CCDC40: variants seen among roughly 807,000 people sequenced by gnomAD.
CCDC40 encodes coiled-coil domain 40 molecular ruler complex subunit.
CCDC40 carries 104 observed loss-of-function variants against 124.5 expected under a neutral mutation model. The observed-to-expected ratio is 0.84, with a 90% CI of 0.71 to 0.98. The LOEUF is 0.98. Among genes scored for constraint, CCDC40 ranks in the 50% least tolerant of loss-of-function variants. The pLI is 0.00. For synonymous variants in CCDC40, 580 were observed against 602.9 expected, an observed-to-expected ratio of 0.96 and a Z score of 0.56; for missense variants, 1,463 against 1,503.9, an observed-to-expected ratio of 0.97 and a Z score of 0.45.
At chr17:80,097,866 C>G (rs1598556901) in intron 19 of CCDC40, 1 of 185,832 alleles carries the variant, frequency 5.4e-6, no homozygotes, top group Non-Finnish European at 1.1e-5. Context: ...TACCACTGCA[C>G]TCCAGCCTGG....
At chr17:80,070,118 G>A (rs867353368) in intron 10 of CCDC40, among the ~76,000 whole-genome samples, 4 of 152,252 alleles carry the variant, frequency 2.6e-5, no homozygotes, top group East Asian at 1.9e-4. Flanking sequence ...AGGAAGGAGC[G>A]GAAGGCAGTG....
At chr17:80,043,491 A>T (rs74000354) in intron 3 of CCDC40, among the ~76,000 whole-genome samples, 11 of 96,774 alleles carry the variant, frequency 1.1e-4, no homozygotes, top group African/African-American at 1.4e-4. Context: ...ATTTATTGGA[A>T]CACACCCCTG....
In CCDC40 at chr17:80,084,625, G is replaced by A. The variant is rs577078633; in HGVS notation, c.1990-118G>A. 2.1e-4 allele frequency: 259 copies of A among 1,244,824 alleles called. 2 individuals carry two copies. In the Middle Eastern group the frequency reaches 2.8e-3, roughly 13 times the overall value. 77.1% of individuals were successfully genotyped at this position (1,244,824 alleles called of 1,614,324 possible). On this transcript the variant is annotated intron_variant, in intron 12 of 19. Transcript: ENST00000397545. Reference sequence around the variant, plus strand: ...AATCCAGCCTCCTGCACTCGTGACTGTGCGTTTGGAATATCTCCAGAGGAA... The same window carrying A: ...AATCCAGCCTCCTGCACTCGTGACTATGCGTTTGGAATATCTCCAGAGGAA...
Position 80,100,029 on chromosome 17 carries a change from ACCCACACT to A in CCDC40, c.*263_*270del, listed in dbSNP as rs1282261372. ...AGAGCCTGTGACTGCAGACCCACAC[ACCCACACT>A]CCCACACTGGGCTTACTCGTCCAGG... On this transcript the variant is annotated 3_prime_UTR_variant, in exon 20 of 20. Coordinates refer to ENST00000397545, the MANE Select transcript of CCDC40 (RefSeq NM_017950.4). The A allele has an allele frequency of 3.8e-6, 2 of 531,346 alleles. No homozygotes were observed. Among genetic ancestry groups the A allele is most frequent in the Non-Finnish European group, 6.8e-6 (2 of 294,304 alleles). 32.9% of individuals were successfully genotyped at this position (531,346 alleles called of 1,614,324 possible). A position where few individuals can be genotyped will look rare whatever the true frequency, so the allele number is the denominator to read the frequency against.
intron 10 of CCDC40, among the ~76,000 whole-genome samples, chr17:80,075,551 A>G (rs1488164770): frequency 6.6e-6 from 1 of 152,080 alleles, no homozygotes; most frequent in Non-Finnish European, 1.5e-5. Context: ...GCAGCCTGAC[A>G]CCTCCATCTG....
rs573851735 is a variant in CCDC40, at chr17:80,097,895, G to A, written c.3180+492G>A. Reference sequence around the variant, plus strand: ...AGCCTGGGTGACAGAGGGAGATCCTGTCTCAAAAAGAAAAGAAAAGAAAAG... The same window carrying A: ...AGCCTGGGTGACAGAGGGAGATCCTATCTCAAAAAGAAAAGAAAAGAAAAG... On this transcript the variant is annotated intron_variant, in intron 19 of 19. Coordinates refer to ENST00000397545, the MANE Select transcript of CCDC40 (RefSeq NM_017950.4). The A allele has an allele frequency of 4.1e-4, 68 of 164,260 alleles. 3 individuals are homozygous for A. The South Asian group carries it at 8.0e-3, about 19-fold the overall frequency. The allele number at this position is 164,260 out of a possible 1,614,324, so 10.2% of individuals were successfully genotyped here.
intron 10 of CCDC40, among the ~76,000 whole-genome samples, chr17:80,074,746 A>G (rs1345628458): frequency 6.6e-6 from 1 of 152,172 alleles, no homozygotes; most frequent in Non-Finnish European, 1.5e-5. Flanking sequence ...TGGGTTGAGG[A>G]GTAATTTCAA....
At chr17:80,075,537 G>A (rs183303952) in intron 10 of CCDC40, among the ~76,000 whole-genome samples, 2 of 152,274 alleles carry the variant, frequency 1.3e-5, no homozygotes, top group South Asian at 2.1e-4. Context: ...TTGCAGAGGT[G>A]CCAGCAGCCT....
Position 80,084,891 on chromosome 17 carries a change from A to G in CCDC40, c.2138A>G (p.Gln713Arg). ...KKVNELITNS[Q>R]SEISRRTILI... ...GTCAACGAGCTCATCACCAACAGCC[A>G]GAGCGAGATCTCCCGGCGCACGATC... The change falls in exon 13 of 20, where the codon CAG (glutamine) becomes CGG (arginine). Residue 713 changes from glutamine to arginine, a missense_variant. Physicochemically the swap from Gln to Arg is conservative, Grantham distance 43. Transcript: ENST00000397545. The G allele has an allele frequency of 3.7e-6, 6 of 1,614,142 alleles. No individual in the cohort carries two copies. The highest frequency in any genetic ancestry group is 5.1e-6 in the Non-Finnish European group (6 of 1,180,036).
intron 3 of CCDC40, among the ~76,000 whole-genome samples, chr17:80,045,057 ATGT>A (rs960460720): frequency 6.6e-6 from 1 of 152,142 alleles, no homozygotes; most frequent in African/African-American, 2.4e-5. Context: ...GCTCCCGTTA[ATGT>A]TGTTGTGGCT....
In CCDC40 at chr17:80,066,062, T is replaced by C. The variant is rs918951207; in HGVS notation, c.1562+456T>C. 3 of 702,414 alleles carry C rather than the reference T, an allele frequency of 4.3e-6. No individual in the cohort carries two copies. The highest frequency in any genetic ancestry group is 7.8e-6 in the Non-Finnish European group (3 of 384,702). 43.5% of individuals were successfully genotyped at this position (702,414 alleles called of 1,614,324 possible). On this transcript the variant is annotated intron_variant, in intron 10 of 19. Transcript: ENST00000397545. This position sits in a 1 kb window ranked among gnomAD's most constrained non-coding sequence, Gnocchi z 4.4. ...CTGGGCATCCCCTCACTTCTGGGGATGGATGCGTGGCTCAGGGCAGGGCGT... is the reference window on the plus strand; with the variant it reads ...CTGGGCATCCCCTCACTTCTGGGGACGGATGCGTGGCTCAGGGCAGGGCGT...
Position 80,099,629 on chromosome 17 carries a change from C to T in CCDC40, c.3283C>T (p.Leu1095=), listed in dbSNP as rs780329021. The change falls in exon 20 of 20, where the codon CTG becomes TTG. Residue 1095 remains leucine, a synonymous_variant. Transcript: ENST00000397545. The stretch of plus-strand genomic sequence containing the variant: ...GTTCCGCTCCAAGCAGTCCCTAGTG[C>T]TGGAGCGCCAGCGCCTGGACAAGCG... ...FLFRSKQSLV[L]ERQRLDKRLA... The T allele has an allele frequency of 8.7e-6, 14 of 1,613,726 alleles. No individual in the cohort carries two copies. In the South Asian group the frequency reaches 1.4e-4, roughly 16 times the overall value.
intron 3 of CCDC40, among the ~76,000 whole-genome samples, chr17:80,045,135 T>G (rs1387733327): frequency 1.3e-5 from 2 of 152,174 alleles, no homozygotes; most frequent in Non-Finnish European, 2.9e-5. Context: ...AGACGGTGCA[T>G]GGGCTGGAGA....
At chr17:80,046,334 CAGCCT>C (rs1289577578) in intron 3 of CCDC40, among the ~76,000 whole-genome samples, 5 of 152,000 alleles carry the variant, frequency 3.3e-5, no homozygotes, top group Admixed American at 6.6e-5. Flanking sequence ...AATTTGAGAC[CAGCCT>C]AGGAATCATA....
intron 9 of CCDC40, among the ~76,000 whole-genome samples, chr17:80,061,219 G>A (rs960066266): frequency 6.6e-6 from 1 of 152,122 alleles, no homozygotes; most frequent in Non-Finnish European, 1.5e-5. Flanking sequence ...GGTGGTACAC[G>A]CCTGTAATGC....
intron 7 of CCDC40, among the ~76,000 whole-genome samples, chr17:80,052,859 A>C (rs2037637543): frequency 6.6e-6 from 1 of 152,194 alleles, no homozygotes; most frequent in South Asian, 2.1e-4. Flanking sequence ...AGGACATTGC[A>C]TCCATAAAGA....
chr17:80,048,389 G>A, intron 4 of CCDC40, 194 bp from the exon 5 acceptor site: 1 of 640,200 alleles, frequency 1.6e-6, no homozygotes, highest in South Asian at 1.7e-5. Flanking sequence ...CTTTCTCTGG[G>A]ATGCATTGAG....
intron 9 of CCDC40, 54 bp from the exon 10 acceptor site, chr17:80,065,431 T>C: frequency 6.2e-7 from 1 of 1,611,148 alleles, no homozygotes; most frequent in Admixed American, 1.7e-5. Context: ...TCTTGGGCTT[T>C]GCTCGCAAAT....
In CCDC40 at chr17:80,097,369, C is replaced by T. The variant is rs778238498; in HGVS notation, c.3146C>T (p.Ala1049Val). 1 of 1,613,984 alleles carries T rather than the reference C, an allele frequency of 6.2e-7. No homozygotes were observed. Among genetic ancestry groups the T allele is most frequent in the Non-Finnish European group, 8.5e-7 (1 of 1,180,020 alleles). The change falls in exon 19 of 20, where the codon GCC becomes GTC. Residue 1049 changes from alanine (A) to valine (V), a missense_variant. Ala to Val is a moderately conservative substitution (Grantham distance 64, BLOSUM62 0). Coordinates refer to ENST00000397545, the MANE Select transcript of CCDC40 (RefSeq NM_017950.4). ...CAGGCAGACTTCGACACACTCGAGG[C>T]CGACCTCACCCGGCTTGGGGCCCTC... ...VIQADFDTLE[A>V]DLTRLGALKR...
Sources: allele counts gnomAD v4.1 joint callset (sites outside exome capture counted in the v4.1 genomes callset), GRCh38; gene constraint gnomAD v4.1.1; non-coding constraint Gnocchi (gnomAD v3.1); transcripts MANE v1.5; gene names NCBI Gene and HGNC (gene_info 2026-07-23, HGNC 2026-07-21).